The following GNL3L variants were observed in gnomAD, a reference collection of about 807,000 sequenced individuals.
GNL3L encodes the protein G protein nucleolar 3 like, also known as guanine nucleotide-binding protein-like 3-like protein.
A neutral mutation model predicts 42.9 loss-of-function variants in GNL3L; 4 were observed. The ratio of observed to expected loss-of-function variants is 0.09; its 90% confidence interval spans 0.05 to 0.21. The LOEUF (loss-of-function observed/expected upper bound fraction) is 0.21, where lower values mean the gene tolerates loss of function less well. GNL3L is among the 10% of genes least tolerant of loss of function. The pLI is 1.00. For synonymous variants in GNL3L, 159 were observed against 176.3 expected (o/e 0.90, Z 0.78); for missense variants, 412 against 481.7 (o/e 0.86, Z 1.36).
Position 54,565,965 on chromosome X carries a change from C to T in GNL3L, c.*5363C>T, listed in dbSNP as rs749608229. On this transcript the variant is annotated 3_prime_UTR_variant, in exon 16 of 16. Coordinates refer to ENST00000360845, the MANE Select transcript of GNL3L (RefSeq NM_001184819.2). ...CCTCCTGAGTAGCTGGAATTACAGG[C>T]GCAGGCCACCATGCTTGGCTAACTT... 6.5e-5 allele frequency among the ~76,000 whole-genome samples: 7 copies of T among 107,505 alleles called. No homozygotes were observed. In the East Asian group the frequency reaches 1.2e-3, roughly 18 times the overall value. The allele number at this position is 107,505 out of a possible 115,157, so 93.4% of individuals were successfully genotyped here.
At position 54,607,040 on chromosome X, in the gene GNL3L, CTT is replaced by C. The variant is rs1270161306; in HGVS notation, c.*46-13803_*46-13802del. ...TCTTTCTTTCTTTCTTTCTTTCTTT[CTT>C]TCTTTCTTTCTTTCTTTCTTTCTTT... On this transcript the variant is annotated intron_variant, in intron 16 of 16. Transcript: ENST00000674498. 7.5e-4 allele frequency among the ~76,000 whole-genome samples: 48 copies of C among 63,746 alleles called. 2 individuals carry two copies. The highest frequency in any genetic ancestry group is 3.8e-3 in the African/African-American group (38 of 10,056). The allele number at this position is 63,746 out of a possible 115,157, so 55.4% of individuals were successfully genotyped here.
In GNL3L at chrX:54,542,959, A is replaced by G; in HGVS notation, c.311A>G (p.Glu104Gly). ...RRQEEFEHKE[E>G]VLQELNMFPQ... is the part of the protein sequence containing the mutation. ...CTCTTTTTTTTTCTCCTTTAGGAGG[A>G]AGTTTTGCAGGAATTAAATATGTTT... is the stretch of plus-strand genomic sequence containing the variant. The change falls in exon 6 of 16, where the codon GAA becomes GGA. Residue 104 changes from glutamate to glycine, a missense_variant. Physicochemically the swap from Glu to Gly is moderately conservative, Grantham distance 98 (BLOSUM62 -2). Coordinates refer to ENST00000360845, the MANE Select transcript of GNL3L (RefSeq NM_001184819.2). The G allele has an allele frequency of 8.6e-7, 1 of 1,163,732 alleles. No homozygotes were observed. The highest frequency in any genetic ancestry group is 1.8e-5 in the South Asian group (1 of 55,723).
intron 16 of GNL3L, among the ~76,000 whole-genome samples, chrX:54,598,733 AATAG>A (rs962935621): frequency 2.7e-5 from 3 of 112,131 alleles, no homozygotes; most frequent in Admixed American, 9.5e-5. Context: ...ATCTAACAGA[AATAG>A]ATAGGCTCAT....
At position 54,532,733 on chromosome X, in the gene GNL3L, TC is replaced by T. The variant is rs1385303163; in HGVS notation, c.19+149del. On this transcript the variant is annotated intron_variant, in intron 2 of 15. Transcript: ENST00000360845. Reference sequence around the variant, plus strand: ...TGGAGTGCAGTGGTGCAATCTCAGTTCACTGCAACCTCCGCCTCCCGGTTTC... The same window carrying T: ...TGGAGTGCAGTGGTGCAATCTCAGTTACTGCAACCTCCGCCTCCCGGTTTC... 9 of 544,355 alleles carry T rather than the reference TC, an allele frequency of 1.7e-5. No individual in the cohort carries two copies. The East Asian group carries it at 2.8e-4, about 17-fold the overall frequency. The allele number at this position is 544,355 out of a possible 1,213,427, so 44.9% of individuals were successfully genotyped here. A position where few individuals can be genotyped will look rare whatever the true frequency, so the allele number is the denominator to read the frequency against.
At chrX:54,575,317 A>G (rs1197010985) in intron 16 of GNL3L, among the ~76,000 whole-genome samples, 1 of 112,863 alleles carries the variant, frequency 8.9e-6, no homozygotes, top group Admixed American at 9.4e-5. Flanking sequence ...TGGATTACAT[A>G]GAAGTATGTT....
chrX:54,619,970 T>C (rs1194672506), intron 16 of GNL3L, among the ~76,000 whole-genome samples: 3 of 111,427 alleles, frequency 2.7e-5, no homozygotes, highest in Non-Finnish European at 5.7e-5. Context: ...GCCTGTTTTA[T>C]TTATTTATTT....
chrX:54,620,278 C>T (rs560182895), intron 16 of GNL3L, among the ~76,000 whole-genome samples: 24 of 111,037 alleles, frequency 2.2e-4, no homozygotes, highest in African/African-American at 7.9e-4. Flanking sequence ...TCTCACCACC[C>T]CCGCACCCCC....
rs1409425449 is a variant in GNL3L, at chrX:54,548,279, C to T, written c.681C>T (p.Ser227=). 8.3e-7 allele frequency: 1 copy of T among 1,203,714 alleles called. No homozygotes were observed. The highest frequency in any genetic ancestry group is 1.1e-6 in the Non-Finnish European group (1 of 888,427). ...AGGCCTCTGAGTCACTGCTGAAAAG[C>T]AAAGCCTGCTTTGGAGCTGAAAACC... The part of the protein sequence containing the change: ...VDQASESLLK[S]KACFGAENLM... Residue 227 remains serine, a synonymous_variant, in exon 9 of 16, where the codon AGC becomes AGT. Transcript: ENST00000360845.
intron 16 of GNL3L, among the ~76,000 whole-genome samples, chrX:54,584,523 A>G (rs1180619013): frequency 1.8e-5 from 2 of 111,872 alleles, no homozygotes; most frequent in African/African-American, 3.2e-5. Context: ...TTGCCATCAT[A>G]TATGTGGTCC....
intron 15 of GNL3L, among the ~76,000 whole-genome samples, chrX:54,560,239 A>G (rs949676321): frequency 1.8e-5 from 2 of 111,899 alleles, no homozygotes; most frequent in Non-Finnish European, 3.8e-5. Context: ...AAAGAAAATT[A>G]TTGCTTTGGT....
chrX:54,587,694 C>T (rs60086652), intron 16 of GNL3L, among the ~76,000 whole-genome samples: 15,709 of 86,445 alleles, frequency 0.18, 1,965 homozygotes, highest in African/African-American at 0.45. Flanking sequence ...TTTCTTTTTT[C>T]TTTTTAGACG....
the GNL3L span, among the ~76,000 whole-genome samples, chrX:54,645,461 T>C: frequency 8.9e-6 from 1 of 111,999 alleles, no homozygotes; most frequent in South Asian, 3.7e-4. Flanking sequence ...ACCGTGTGGG[T>C]TTTTTCATTT....
At chrX:54,616,425 C>A (rs1373083359) in intron 16 of GNL3L, among the ~76,000 whole-genome samples, 2 of 111,738 alleles carry the variant, frequency 1.8e-5, no homozygotes, top group Non-Finnish European at 3.8e-5. Flanking sequence ...TTTTCCATTT[C>A]TTGTAATTGG....
chrX:54,578,076 A>G (rs920768116), intron 16 of GNL3L, among the ~76,000 whole-genome samples: 1 of 111,885 alleles, frequency 8.9e-6, no homozygotes, highest in African/African-American at 3.2e-5. Context: ...TTACTTCTAC[A>G]TATGCTGTAA....
At chrX:54,627,531 ATTTC>A in the GNL3L span, among the ~76,000 whole-genome samples, 1 of 108,815 alleles carries the variant, frequency 9.2e-6, no homozygotes, top group African/African-American at 3.4e-5. Flanking sequence ...GATCTTTATT[ATTTC>A]TTTCCTTCCA....
chrX:54,622,007 AACAT>A (rs1934415557), downstream of GNL3L, among the ~76,000 whole-genome samples: 1 of 110,861 alleles, frequency 9.0e-6, no homozygotes, highest in African/African-American at 3.3e-5. Context: ...CCCTAATTTC[AACAT>A]ACAAAGCACA....
chrX:54,544,519 G>C (rs1034952737), intron 8 of GNL3L, among the ~76,000 whole-genome samples, 193 bp downstream of exon 8: 6 of 107,654 alleles, frequency 5.6e-5, no homozygotes, highest in Non-Finnish European at 1.2e-4. Flanking sequence ...GCCCAGGTTG[G>C]AATGCAATGG....
At chrX:54,575,825 G>T (rs189207226) in intron 16 of GNL3L, among the ~76,000 whole-genome samples, 1,225 of 112,187 alleles carry the variant, frequency 0.011, 14 homozygotes, top group African/African-American at 0.038. Context: ...CAGCAGAATT[G>T]CTTGAACCCG....
rs1353688173 is a variant in GNL3L, at chrX:54,564,692, C to T, written c.*4090C>T. Among the ~76,000 whole-genome samples the T allele has an allele frequency of 8.5e-5, 9 of 105,342 alleles. No homozygotes were observed. Among genetic ancestry groups the T allele is most frequent in the Admixed American group, 3.1e-4 (3 of 9,553 alleles). The allele number at this position is 105,342 out of a possible 115,157, so 91.5% of individuals were successfully genotyped here. A position where few individuals can be genotyped will look rare whatever the true frequency, so the allele number is the denominator to read the frequency against. Reference sequence around the variant, plus strand: ...AAGTGCTGGGATTACAAGAGTGAGCCACTGCGCCTGGCCTTTTTCTTTGTT... The same window carrying T: ...AAGTGCTGGGATTACAAGAGTGAGCTACTGCGCCTGGCCTTTTTCTTTGTT... On this transcript the variant is annotated 3_prime_UTR_variant, in exon 16 of 16. Coordinates refer to ENST00000360845, the MANE Select transcript of GNL3L (RefSeq NM_001184819.2).
Sources: allele counts gnomAD v4.1 joint callset (sites outside exome capture counted in the v4.1 genomes callset), GRCh38; gene constraint gnomAD v4.1.1; transcripts MANE v1.5; gene names NCBI Gene and HGNC (gene_info 2026-07-23, HGNC 2026-07-21).